Variants in FAM53A observed in about 807,000 individuals in gnomAD.
FAM53A encodes the protein protein FAM53A.
A neutral mutation model predicts 26.6 loss-of-function variants in FAM53A; 28 were observed. The observed-to-expected ratio is 1.05, with a 90% confidence interval of 0.78 to 1.45. The LOEUF is 1.45. Ranked by LOEUF, FAM53A falls within the 40% of genes most tolerant of loss-of-function variation. The pLI, the probability that FAM53A is intolerant of heterozygous loss-of-function variation, is 0.00. For synonymous variants in FAM53A, 290 were observed against 253.1 expected (o/e 1.15, Z -1.38); for missense variants, 650 against 575.8 (o/e 1.13, Z -1.32).
At chr4:1,616,723 C>G (rs921708041), downstream of FAM53A, among the ~76,000 whole-genome samples, 1 of 152,232 alleles carries the variant, frequency 6.6e-6, no homozygotes, top group Admixed American at 6.5e-5. Flanking sequence ...GGATTGGTGA[C>G]AGTCACACTG....
the FAM53A span, among the ~76,000 whole-genome samples, chr4:1,582,712 G>T: frequency 6.6e-6 from 1 of 152,180 alleles, no homozygotes. Context: ...AATTAGCCAG[G>T]TGTGTGGTGG....
At chr4:1,672,434 CGGGAAGCGCCTCCTCACGGGGTGGT>C (rs969694835) in intron 1 of FAM53A, among the ~76,000 whole-genome samples, 1 of 152,114 alleles carries the variant, frequency 6.6e-6, no homozygotes, top group Non-Finnish European at 1.5e-5. Context: ...GTGGGGGTGG[CGGGAAGCGCCTCCTCACGGGGTGGT>C]GGGGAGCCAC....
downstream of FAM53A, among the ~76,000 whole-genome samples, chr4:1,615,674 C>A (rs929880384): frequency 1.3e-5 from 2 of 152,268 alleles, no homozygotes; most frequent in African/African-American, 4.8e-5. Context: ...CACCTGGGCG[C>A]ACACAGGGGA....
chr4:1,680,568 C>T (rs1256908195), intron 1 of FAM53A, among the ~76,000 whole-genome samples: 1 of 152,094 alleles, frequency 6.6e-6, no homozygotes, highest in Non-Finnish European at 1.5e-5. Flanking sequence ...AACTTGGAAA[C>T]AACCAAGATT....
chr4:1,641,323 C>T lies in FAM53A; in HGVS notation c.1167G>A (p.Glu389=), dbSNP rs1711687533. The change falls in exon 5 of 5, where the codon GAG becomes GAA. Residue 389 remains glutamate, a synonymous_variant. Transcript: ENST00000308132. ...EEGVFPRARW[E]LDLEQIENN Reference sequence around the variant, plus strand: ...TGTTCTCGATCTGCTCCAGGTCCAGCTCCCAGCGGGCCCGGGGGAAGACGC... The same window carrying T: ...TGTTCTCGATCTGCTCCAGGTCCAGTTCCCAGCGGGCCCGGGGGAAGACGC... 2 of 1,612,444 alleles carry T rather than the reference C, an allele frequency of 1.2e-6. No homozygotes were observed. The highest frequency in any genetic ancestry group is 1.7e-6 in the Non-Finnish European group (2 of 1,179,682).
At chr4:1,668,458 A>T (rs1320529961) in intron 2 of FAM53A, among the ~76,000 whole-genome samples, 2 of 150,730 alleles carry the variant, frequency 1.3e-5, no homozygotes, top group African/African-American at 2.4e-5. Flanking sequence ...TAATAAGTCT[A>T]TTTTTTTTTC....
At chr4:1,622,375 G>A (rs993256418) in intron 1 of FAM53A, among the ~76,000 whole-genome samples, 1 of 152,128 alleles carries the variant, frequency 6.6e-6, no homozygotes, top group Non-Finnish European at 1.5e-5. Context: ...GGATCTGGCT[G>A]GGGTGGGCAC....
intron 2 of FAM53A, 49 bp from the exon 3 acceptor site, chr4:1,657,517 G>T: frequency 6.6e-7 from 1 of 1,520,798 alleles, no homozygotes. Flanking sequence ...GTGAGAATTC[G>T]GCAATAATAT....
intron 1 of FAM53A, among the ~76,000 whole-genome samples, chr4:1,682,967 G>C (rs1393699920): frequency 2.0e-5 from 3 of 152,162 alleles, no homozygotes; most frequent in Non-Finnish European, 2.9e-5. Context: ...ACACAACAGA[G>C]GGACAAAGCT....
the FAM53A span, among the ~76,000 whole-genome samples, chr4:1,606,760 G>C: frequency 6.6e-6 from 1 of 152,346 alleles, no homozygotes; most frequent in African/African-American, 2.4e-5. Context: ...CCCTGCGAGG[G>C]ACTCGGGCAG....
the FAM53A span, among the ~76,000 whole-genome samples, chr4:1,582,432 T>G: frequency 6.6e-6 from 1 of 152,162 alleles, no homozygotes; most frequent in African/African-American, 2.4e-5. Context: ...GCCAGTGCCA[T>G]GTATGCCACC....
downstream of FAM53A, among the ~76,000 whole-genome samples, chr4:1,636,772 A>G (rs1444827549): frequency 6.6e-6 from 1 of 152,190 alleles, no homozygotes; most frequent in Non-Finnish European, 1.5e-5. Context: ...CGTCTGCCAG[A>G]CCAGGCATCG....
the FAM53A span, among the ~76,000 whole-genome samples, chr4:1,575,211 G>A: frequency 6.6e-6 from 1 of 152,228 alleles, no homozygotes; most frequent in African/African-American, 2.4e-5. Context: ...AGTCCCTGAG[G>A]AGGGCTGGCA....
At chr4:1,658,963 A>G (rs1208299216) in intron 2 of FAM53A, among the ~76,000 whole-genome samples, 1 of 152,228 alleles carries the variant, frequency 6.6e-6, no homozygotes, top group Non-Finnish European at 1.5e-5. Flanking sequence ...ACACCTCAGA[A>G]CCTCTCAGTT....
intron 1 of FAM53A, among the ~76,000 whole-genome samples, chr4:1,674,543 C>A (rs1714900671): frequency 6.6e-6 from 1 of 152,062 alleles, no homozygotes. Context: ...GTGGCACGTG[C>A]CTGTGGTCCC....
At chr4:1,683,116 T>C (rs115061027) in intron 1 of FAM53A, among the ~76,000 whole-genome samples, 182 of 152,326 alleles carry the variant, frequency 1.2e-3, no homozygotes, top group African/African-American at 4.2e-3. Flanking sequence ...GAGGGAAAAC[T>C]ACAATTGTCT....
chr4:1,592,495 T>G, the FAM53A span, among the ~76,000 whole-genome samples: 1 of 149,488 alleles, frequency 6.7e-6, no homozygotes, highest in Non-Finnish European at 1.5e-5. Context: ...TGGGGGGCGC[T>G]GCGGTCCTTC....
At chr4:1,634,274 G>A (rs1032765521) in intron 1 of FAM53A, among the ~76,000 whole-genome samples, 3 of 152,158 alleles carry the variant, frequency 2.0e-5, no homozygotes, top group African/African-American at 7.2e-5. Flanking sequence ...AGGGTGGGCA[G>A]GAGGGAAGAG....
At chr4:1,634,272 C>T (rs1244985644) in intron 1 of FAM53A, among the ~76,000 whole-genome samples, 6 of 152,124 alleles carry the variant, frequency 3.9e-5, no homozygotes, top group African/African-American at 1.4e-4. Flanking sequence ...GCAGGGTGGG[C>T]AGGAGGGAAG....
Sources: gnomAD v4.1 joint callset for allele counts (sites outside exome capture counted in the v4.1 genomes callset) on GRCh38, gnomAD v4.1.1 for gene constraint, MANE v1.5 for transcripts, NCBI Gene and HGNC (gene_info 2026-07-23, HGNC 2026-07-21) for gene names.